CLEC19A: variants seen among roughly 807,000 people sequenced by gnomAD.
CLEC19A encodes the protein C-type lectin domain containing 19A, also known as C-type lectin domain family 19 member A.
Under a neutral mutation model 26.1 loss-of-function variants are expected in CLEC19A, and 21 were observed. That is an observed-to-expected ratio of 0.80 (90% CI 0.57 to 1.16). The LOEUF (loss-of-function observed/expected upper bound fraction) is 1.16. CLEC19A is among the 50% of genes most tolerant of loss of function. The pLI, the probability that CLEC19A is intolerant of heterozygous loss-of-function variation, is 0.00. For missense variants in CLEC19A, 224 were observed against 227.6 expected (o/e 0.98, Z 0.10); for synonymous variants, 89 against 88.6 (o/e 1.00, Z -0.03).
intron 1 of CLEC19A, 21 bp downstream of exon 1, chr16:19,285,960 T>C: frequency 6.5e-7 from 1 of 1,546,790 alleles, no homozygotes; most frequent in Non-Finnish European, 8.7e-7. Flanking sequence ...GGACCAGGGC[T>C]GGGAGCAGGT....
Position 19,310,313 on chromosome 16 carries a change from A to T in CLEC19A, c.*1230A>T, listed in dbSNP as rs1414154577. ...GTAAGACCCCATCTCCATAAGAAAAATTTTTTAATTAGCCAAGCATGGTGA... is the reference window on the plus strand; with the variant it reads ...GTAAGACCCCATCTCCATAAGAAAATTTTTTTAATTAGCCAAGCATGGTGA... On this transcript the variant is annotated 3_prime_UTR_variant, in exon 5 of 5. Coordinates refer to ENST00000636231, the MANE Select transcript of CLEC19A (RefSeq NM_001256720.2). The T allele has an allele frequency of 1.3e-5, 2 of 151,552 alleles. No homozygotes were observed. Among genetic ancestry groups the T allele is most frequent in the African/African-American group, 2.4e-5 (1 of 41,248 alleles). The allele number at this position is 151,552 out of a possible 1,614,324, so 9.4% of individuals were successfully genotyped here. A position where few individuals can be genotyped will look rare whatever the true frequency, so the allele number is the denominator to read the frequency against.
intron 1 of CLEC19A, among the ~76,000 whole-genome samples, chr16:19,293,742 C>T (rs867141387): frequency 1.2e-4 from 18 of 144,150 alleles, no homozygotes; most frequent in African/African-American, 4.1e-4. Flanking sequence ...AGGTGTGAGC[C>T]GCTGCGACCA....
intron 1 of CLEC19A, among the ~76,000 whole-genome samples, chr16:19,296,198 G>T (rs1359123831): frequency 1.3e-5 from 2 of 152,200 alleles, no homozygotes; most frequent in Non-Finnish European, 2.9e-5. Context: ...CGCTGGGGTT[G>T]GGGACAGGCT....
Position 19,304,143 on chromosome 16 carries a change from T to A in CLEC19A, c.336T>A (p.His112Gln). The change falls in exon 3 of 5, where the codon CAT becomes CAA. Residue 112 changes from histidine (H) to glutamine (Q), a missense_variant. Physicochemically the swap from His to Gln is conservative, Grantham distance 24. Transcript: ENST00000636231. The stretch of plus-strand genomic sequence containing the variant: ...CAGCTGACGTCTGGACAGGCCTTCA[T>A]GATCACAGACAGGTGAGAAAGCAGT... The part of the protein sequence containing the change: ...GIPADVWTGL[H>Q]DHRQEGQFEW... 1 of 1,550,606 alleles carries A rather than the reference T, an allele frequency of 6.4e-7. No homozygotes were observed. The highest frequency in any genetic ancestry group is 8.7e-7 in the Non-Finnish European group (1 of 1,146,936).
In CLEC19A at chr16:19,310,915, A is replaced by T. The variant is rs1898056443; in HGVS notation, c.*1832A>T. On this transcript the variant is annotated 3_prime_UTR_variant, in exon 5 of 5. Coordinates refer to ENST00000636231, the MANE Select transcript of CLEC19A (RefSeq NM_001256720.2). The stretch of plus-strand genomic sequence containing the variant: ...AAGAAGCCACTGAACTGTACATTTT[A>T]AAATAATAGTTAAAATGATAAATTT... 1 of 152,202 alleles carries T rather than the reference A, an allele frequency of 6.6e-6. No individual in the cohort carries two copies. Among genetic ancestry groups the T allele is most frequent in the Admixed American group, 6.6e-5 (1 of 15,266 alleles). The allele number at this position is 152,202 out of a possible 1,614,324, so 9.4% of individuals were successfully genotyped here. A position where few individuals can be genotyped will look rare whatever the true frequency, so the allele number is the denominator to read the frequency against.
Position 19,310,178 on chromosome 16 carries a change from T to G in CLEC19A, c.*1095T>G, listed in dbSNP as rs1260573631. 1 of 152,068 alleles carries G rather than the reference T, an allele frequency of 6.6e-6. No homozygotes were observed. Among genetic ancestry groups the G allele is most frequent in the Non-Finnish European group, 1.5e-5 (1 of 68,022 alleles). The allele number at this position is 152,068 out of a possible 1,614,324, so 9.4% of individuals were successfully genotyped here. A position where few individuals can be genotyped will look rare whatever the true frequency, so the allele number is the denominator to read the frequency against. ...AGAATCGGAAACAGGTATTTAAATA[T>G]AAGTGGTCGGCCAGGTGTAGTGGCT... On this transcript the variant is annotated 3_prime_UTR_variant, in exon 5 of 5. Coordinates refer to ENST00000636231, the MANE Select transcript of CLEC19A (RefSeq NM_001256720.2).
At chr16:19,291,093 T>G (rs554573276) in intron 1 of CLEC19A, among the ~76,000 whole-genome samples, 1 of 152,338 alleles carries the variant, frequency 6.6e-6, no homozygotes, top group African/African-American at 2.4e-5. Flanking sequence ...TCCTCCTGCC[T>G]TTGCCTCCCA....
intron 4 of CLEC19A, 39 bp from the exon 5 acceptor site, chr16:19,308,965 T>C (rs760293260): frequency 3.9e-5 from 59 of 1,515,916 alleles, no homozygotes; most frequent in Non-Finnish European, 5.2e-5. Flanking sequence ...TCTTGGCGGA[T>C]GGATTTTCAC....
chr16:19,292,277 G>A (rs941536258), intron 1 of CLEC19A, among the ~76,000 whole-genome samples: 7 of 152,150 alleles, frequency 4.6e-5, no homozygotes, highest in East Asian at 1.9e-4. Flanking sequence ...TGCAGACTCC[G>A]ATTTGGAAGG....
At chr16:19,302,957 G>A (rs1429788568) in intron 2 of CLEC19A, among the ~76,000 whole-genome samples, 1 of 152,136 alleles carries the variant, frequency 6.6e-6, no homozygotes, top group East Asian at 1.9e-4. Context: ...CACAAACATT[G>A]CCTTAAATCT....
chr16:19,301,842 C>T lies in CLEC19A; in HGVS notation c.255-2220C>T, dbSNP rs187705960. The stretch of plus-strand genomic sequence containing the variant: ...TCTTGACCTCGTGATCTGCCTCCCT[C>T]GGCCTCCTAAAGTGCTGGGATTATA... On this transcript the variant is annotated intron_variant, in intron 2 of 4. Coordinates refer to ENST00000636231, the MANE Select transcript of CLEC19A (RefSeq NM_001256720.2). 1.5e-3 allele frequency among the ~76,000 whole-genome samples: 228 copies of T among 148,918 alleles called. 1 individual carries two copies. The highest frequency in any genetic ancestry group is 0.01 in the Middle Eastern group (3 of 288).
intron 3 of CLEC19A, among the ~76,000 whole-genome samples, chr16:19,306,393 C>A (rs1897955550): frequency 2.0e-5 from 3 of 152,140 alleles, no homozygotes; most frequent in African/African-American, 7.2e-5. Context: ...GTGATCCTCC[C>A]ACCTCAGCCT....
chr16:19,286,209 A>T (rs1897467469), intron 1 of CLEC19A, among the ~76,000 whole-genome samples: 1 of 152,242 alleles, frequency 6.6e-6, no homozygotes, highest in African/African-American at 2.4e-5. Flanking sequence ...TCTTCTAGAA[A>T]GTTGGGTCGC....
chr16:19,299,763 A>G (rs902809884), intron 2 of CLEC19A, among the ~76,000 whole-genome samples: 1 of 152,136 alleles, frequency 6.6e-6, no homozygotes, highest in Non-Finnish European at 1.5e-5. Context: ...CCTTTTTTGC[A>G]TCTGACTTCC....
chr16:19,299,500 C>T lies in CLEC19A; in HGVS notation c.254+662C>T, dbSNP rs925110217. On this transcript the variant is annotated intron_variant, in intron 2 of 4. Coordinates refer to ENST00000636231, the MANE Select transcript of CLEC19A (RefSeq NM_001256720.2). ...CTCCAAGGCCTCCTTCCACATTCCTCTGTCTCCGAAGCCCCAGCTACAATG... is the reference window on the plus strand; with the variant it reads ...CTCCAAGGCCTCCTTCCACATTCCTTTGTCTCCGAAGCCCCAGCTACAATG... 2.0e-5 allele frequency among the ~76,000 whole-genome samples: 3 copies of T among 152,232 alleles called. No homozygotes were observed. In the East Asian group the frequency reaches 5.8e-4, roughly 29 times the overall value.
Position 19,286,002 on chromosome 16 carries a change from A to G in CLEC19A, c.88+63A>G, listed in dbSNP as rs180870593. On this transcript the variant is annotated intron_variant, in intron 1 of 4. Coordinates refer to ENST00000636231, the MANE Select transcript of CLEC19A (RefSeq NM_001256720.2). ...GAGTACACTCTCAGGAACTTATTCT[A>G]TCGGTGAGGCCTGGCAGCTTCTGTT... 1.4e-5 allele frequency: 21 copies of G among 1,470,572 alleles called. No homozygotes were observed. In the African/African-American group the frequency reaches 2.2e-4, roughly 16 times the overall value. The allele number at this position is 1,470,572 out of a possible 1,614,324, so 91.1% of individuals were successfully genotyped here. A position where few individuals can be genotyped will look rare whatever the true frequency, so the allele number is the denominator to read the frequency against.
At chr16:19,286,581 T>G (rs1897474164) in intron 1 of CLEC19A, among the ~76,000 whole-genome samples, 1 of 152,180 alleles carries the variant, frequency 6.6e-6, no homozygotes, top group Non-Finnish European at 1.5e-5. Flanking sequence ...TGAGCTCAAC[T>G]TCTTCCACTT....
chr16:19,297,931 ATACTT>A (rs1897738180), intron 1 of CLEC19A, among the ~76,000 whole-genome samples: 1 of 152,160 alleles, frequency 6.6e-6, no homozygotes, highest in South Asian at 2.1e-4. Flanking sequence ...ATAATGGGAC[ATACTT>A]TACTTTCATT....
At chr16:19,307,496 ATCT>A (rs941151607) in intron 3 of CLEC19A, 46 bp from the exon 4 acceptor site, 1 of 1,543,224 alleles carries the variant, frequency 6.5e-7, no homozygotes, top group Non-Finnish European at 8.7e-7. Context: ...CAAATGCCTG[ATCT>A]TCTTCTTGGC....
Sources: gnomAD v4.1 joint callset for allele counts (sites outside exome capture counted in the v4.1 genomes callset) on GRCh38, gnomAD v4.1.1 for gene constraint, MANE v1.5 for transcripts, NCBI Gene and HGNC (gene_info 2026-07-23, HGNC 2026-07-21) for gene names.